CDKN2B-AS1: variants seen among roughly 807,000 people sequenced by gnomAD.
The protein encoded by CDKN2B-AS1 is CDKN2B antisense RNA 1 (non-protein coding).
At chr9:22,101,919 T>C (rs1825497795) in intron 4 of CDKN2B-AS1, among the ~76,000 whole-genome samples, 1 of 152,132 alleles carries the variant, frequency 6.6e-6, no homozygotes. Context: ...CTTGGTTCGG[T>C]CATGAACTGT....
rs576607290 is a variant in CDKN2B-AS1, at chr9:22,113,026, G to A, written n.439-14077G>A. 3.9e-5 allele frequency among the ~76,000 whole-genome samples: 6 copies of A among 152,262 alleles called. No homozygotes were observed. The East Asian group carries it at 5.8e-4, about 15-fold the overall frequency. On this transcript the variant is annotated intron_variant and non_coding_transcript_variant, in intron 4 of 4. Coordinates refer to ENST00000650946, the Ensembl canonical transcript of CDKN2B-AS1. ...ATAGTGACGAAGTGAGAAAACTGAC[G>A]TATTAGTTTTCTATTGCATTATAAC...
intron 4 of CDKN2B-AS1, among the ~76,000 whole-genome samples, chr9:22,122,745 A>G (rs570432518): frequency 6.6e-6 from 1 of 151,954 alleles, no homozygotes; most frequent in Non-Finnish European, 1.5e-5. Flanking sequence ...ATTCTGTTCT[A>G]TTGATCTATG....
intron 4 of CDKN2B-AS1, among the ~76,000 whole-genome samples, chr9:22,090,236 A>C (rs542715690): frequency 6.6e-6 from 1 of 152,212 alleles, no homozygotes; most frequent in South Asian, 2.1e-4. Flanking sequence ...ATTGTTGGAC[A>C]TTTGGGTTGG....
chr9:22,110,444 A>G (rs1390620492), intron 4 of CDKN2B-AS1, among the ~76,000 whole-genome samples: 1 of 152,204 alleles, frequency 6.6e-6, no homozygotes, highest in Non-Finnish European at 1.5e-5. Flanking sequence ...AACAGTGTAC[A>G]CAGATGAAGA....
chr9:22,041,431 C>T (rs1296942489), intron 1 of CDKN2B-AS1, among the ~76,000 whole-genome samples: 2 of 152,062 alleles, frequency 1.3e-5, no homozygotes, highest in African/African-American at 2.4e-5. Flanking sequence ...ATGGAGAAGA[C>T]TTTGCCCCAC....
chr9:22,112,319 G>C (rs1201652076), intron 4 of CDKN2B-AS1: 1 of 152,234 alleles, frequency 6.6e-6, no homozygotes, highest in East Asian at 1.9e-4. Context: ...TTTCACTGTA[G>C]ATTGGCTTCT....
intron 3 of CDKN2B-AS1, chr9:22,056,234 A>ATATATTTT (rs777560826): frequency 1.0e-5 from 1 of 98,302 alleles, no homozygotes; most frequent in East Asian, 3.3e-4. Flanking sequence ...ATATATATAT[A>ATATATTTT]TTTTTTTTTT....
chr9:22,121,465 A>G (rs905511109), intron 4 of CDKN2B-AS1, among the ~76,000 whole-genome samples: 1 of 152,094 alleles, frequency 6.6e-6, no homozygotes, highest in Non-Finnish European at 1.5e-5. Flanking sequence ...ATACCCAGTC[A>G]TCCTATAGTG....
At chr9:22,028,558 A>G (rs1001796652) in intron 1 of CDKN2B-AS1, among the ~76,000 whole-genome samples, 3 of 152,132 alleles carry the variant, frequency 2.0e-5, no homozygotes, top group African/African-American at 4.8e-5. Context: ...CCTAGTCTCA[A>G]ATTTGTACTT....
At chr9:22,009,109 C>T in intron 1 of CDKN2B-AS1, 1 of 1,180,842 alleles carries the variant, frequency 8.5e-7, no homozygotes, top group Non-Finnish European at 1.2e-6. Context: ...CCTTCTGCGG[C>T]TTGGGGCCCC....
chr9:22,042,558 T>A (rs1343384156), intron 1 of CDKN2B-AS1, among the ~76,000 whole-genome samples: 2 of 151,986 alleles, frequency 1.3e-5, no homozygotes, highest in Non-Finnish European at 2.9e-5. Flanking sequence ...AATCCCACCC[T>A]CCCTGAAGTA....
intron 4 of CDKN2B-AS1, among the ~76,000 whole-genome samples, chr9:22,082,699 A>C (rs951213633): frequency 6.6e-6 from 1 of 152,206 alleles, no homozygotes; most frequent in Non-Finnish European, 1.5e-5. Flanking sequence ...ACCTGTAGTA[A>C]ATTGGGAACT....
At chr9:22,014,607 TTTATTA>T (rs898318356) in intron 1 of CDKN2B-AS1, among the ~76,000 whole-genome samples, 2 of 151,756 alleles carry the variant, frequency 1.3e-5, no homozygotes, top group African/African-American at 4.8e-5. Context: ...GAATCTTTCT[TTTATTA>T]TTATTATTAT....
rs79270811 is a variant in CDKN2B-AS1 at position 22,053,382 on chromosome 9, G to A, written n.303-2870G>A. ...GACAGTTGGGGGCAACATTGTGCAAGTCAGAAGAGGGGATGAAGAAAATCA... is the reference window on the plus strand; with the variant it reads ...GACAGTTGGGGGCAACATTGTGCAAATCAGAAGAGGGGATGAAGAAAATCA... On this transcript the variant is annotated intron_variant and non_coding_transcript_variant, in intron 3 of 4. Transcript: ENST00000650946. Among the ~76,000 whole-genome samples, 388 of 152,318 alleles carry A rather than the reference G, an allele frequency of 2.5e-3. 3 individuals are homozygous for A. Among genetic ancestry groups the A allele is most frequent in the African/African-American group, 8.9e-3 (371 of 41,568 alleles).
At chr9:22,061,537 A>G (rs1006407585) in intron 4 of CDKN2B-AS1, among the ~76,000 whole-genome samples, 8 of 152,210 alleles carry the variant, frequency 5.3e-5, no homozygotes, top group Admixed American at 2.6e-4. Context: ...TTTAAAATGC[A>G]TAATCAAAAT....
chr9:22,119,914 A>T (rs1411863914), intron 4 of CDKN2B-AS1: 5 of 152,186 alleles, frequency 3.3e-5, no homozygotes, highest in Non-Finnish European at 7.4e-5. Context: ...GTGGCTGTCA[A>T]ATTTCAGTGA....
intron 4 of CDKN2B-AS1, among the ~76,000 whole-genome samples, chr9:22,057,895 C>T (rs1823639222): frequency 1.3e-5 from 2 of 151,888 alleles, no homozygotes; most frequent in Admixed American, 6.6e-5. Flanking sequence ...GCGGGTGGAT[C>T]ACCTGAGGTC....
intron 4 of CDKN2B-AS1, among the ~76,000 whole-genome samples, chr9:22,072,182 C>T (rs1440979183): frequency 6.6e-6 from 1 of 152,096 alleles, no homozygotes; most frequent in Admixed American, 6.6e-5. Context: ...GAGTACTTGC[C>T]TCTGAGGGAA....
At chr9:22,109,230 C>G (rs1034497523) in intron 4 of CDKN2B-AS1, among the ~76,000 whole-genome samples, 1 of 152,164 alleles carries the variant, frequency 6.6e-6, no homozygotes, top group Non-Finnish European at 1.5e-5. Context: ...AGCCATAATA[C>G]CTACTTTCCC....
Sources: allele counts gnomAD v4.1 joint callset (sites outside exome capture counted in the v4.1 genomes callset), GRCh38; gene constraint gnomAD v4.1.1; transcripts MANE v1.5; gene names NCBI Gene and HGNC (gene_info 2026-07-23, HGNC 2026-07-21).